RCC2: variants seen among roughly 807,000 people sequenced by gnomAD.
The protein encoded by RCC2 is protein RCC2.
RCC2 carries 19 observed loss-of-function variants against 64.1 expected under a neutral mutation model. The observed-to-expected ratio is 0.30, with a 90% CI of 0.21 to 0.44. RCC2 has a LOEUF of 0.44. Ranked by LOEUF, RCC2 falls within the 20% of genes least tolerant of loss-of-function variation. The probability of loss-of-function intolerance (pLI) is 1.00; values close to 1 mark genes in which losing one functional copy is unlikely to be tolerated. For missense variants in RCC2, 508 were observed against 710.4 expected, an observed-to-expected ratio of 0.72 and a Z score of 3.24; for synonymous variants, 325 against 279.6, an observed-to-expected ratio of 1.16 and a Z score of -1.62.
intron 6 of RCC2, 83 bp downstream of exon 6, chr1:17,422,119 CA>C: frequency 1.0e-6 from 1 of 973,842 alleles, no homozygotes; most frequent in South Asian, 1.6e-5. Flanking sequence ...TAAATTAACT[CA>C]AACGGAGACC....
chr1:17,417,189 G>A (rs1015936170), intron 7 of RCC2, among the ~76,000 whole-genome samples: 5 of 152,332 alleles, frequency 3.3e-5, no homozygotes, highest in Admixed American at 3.3e-4. Context: ...GCTAAAGCCT[G>A]CAATTCCCAC....
Position 17,422,963 on chromosome 1 carries a change from C to CGAA in RCC2, c.524-128_524-127insTTC, listed in dbSNP as rs1553157496. Reference sequence around the variant, plus strand: ...TCTCTGGAAGGTACCCTCCAAATTCCCAACAGCCAAGATCCAGAGCAAAGA... The same window carrying CGAA: ...TCTCTGGAAGGTACCCTCCAAATTCCGAACAACAGCCAAGATCCAGAGCAAAGA... On this transcript the variant is annotated intron_variant, in intron 4 of 12. Coordinates refer to ENST00000375436, the MANE Select transcript of RCC2 (RefSeq NM_018715.4). 11 of 1,138,704 alleles carry CGAA rather than the reference C, an allele frequency of 9.7e-6. 1 individual carries two copies. The African/African-American group carries it at 1.3e-4, about 13-fold the overall frequency. The allele number at this position is 1,138,704 out of a possible 1,614,324, so 70.5% of individuals were successfully genotyped here. A position where few individuals can be genotyped will look rare whatever the true frequency, so the allele number is the denominator to read the frequency against.
chr1:17,423,494 G>T (rs529814151), intron 4 of RCC2, among the ~76,000 whole-genome samples: 2 of 152,320 alleles, frequency 1.3e-5, no homozygotes, highest in African/African-American at 4.8e-5. Context: ...TGCGACCAAG[G>T]CCCTGTATCT....
intron 2 of RCC2, 22 bp from the exon 3 acceptor site, chr1:17,429,221 A>C (rs777185634): frequency 1.3e-6 from 2 of 1,598,104 alleles, no homozygotes; most frequent in South Asian, 2.2e-5. Context: ...GAGAAAGGAA[A>C]AAAGAATTAG....
rs1240148029 is a variant in RCC2 at position 17,438,398 on chromosome 1, G to C, written c.117C>G (p.Pro39=). ...CGCCGCTGCTGCTACTGCAGCGCTC[G>C]GGCCGCTCGCGCTTCCTGCCCGCCG... ...GGPAGRKRER[P]ERCSSSSGGG... is the part of the protein sequence containing the mutation. The change falls in exon 2 of 13, where the codon CCC becomes CCG. Residue 39 remains proline (P), a synonymous_variant. Coordinates refer to ENST00000375436, the MANE Select transcript of RCC2 (RefSeq NM_018715.4). The C allele has an allele frequency of 3.2e-6, 4 of 1,262,302 alleles. No homozygotes were observed. Among genetic ancestry groups the C allele is most frequent in the African/African-American group, 3.1e-5 (2 of 64,116 alleles). The allele number at this position is 1,262,302 out of a possible 1,614,324, so 78.2% of individuals were successfully genotyped here. A position where few individuals can be genotyped will look rare whatever the true frequency, so the allele number is the denominator to read the frequency against.
intron 2 of RCC2, among the ~76,000 whole-genome samples, chr1:17,434,843 T>C (rs561339756): frequency 1.3e-5 from 2 of 152,328 alleles, no homozygotes; most frequent in East Asian, 3.9e-4. Context: ...CGGGGCGTGG[T>C]GGCTCACGCC....
intron 12 of RCC2, among the ~76,000 whole-genome samples, chr1:17,409,598 C>T (rs866010325): frequency 6.6e-6 from 1 of 152,366 alleles, no homozygotes; most frequent in Non-Finnish European, 1.5e-5. Flanking sequence ...GGGCCTCACC[C>T]CGCCATCTGA....
At chr1:17,417,469 A>T (rs2075500417) in intron 7 of RCC2, among the ~76,000 whole-genome samples, 1 of 152,218 alleles carries the variant, frequency 6.6e-6, no homozygotes, top group South Asian at 2.1e-4. Context: ...GGTGTTTGAG[A>T]CCAGCCTGGC....
chr1:17,431,359 A>ATAAAAATGTATATATATATATATAT (rs1265674393), intron 2 of RCC2, among the ~76,000 whole-genome samples: 1 of 44,938 alleles, frequency 2.2e-5, no homozygotes, highest in East Asian at 6.0e-4. Context: ...AAAAAAAAAA[A>ATAAAAATGTATATATATATATATAT]ATATATATAT....
chr1:17,408,789 T>TAA lies in RCC2; in HGVS notation c.*299_*300dup, dbSNP rs56926341. 5.2e-3 allele frequency: 1,340 copies of TAA among 255,638 alleles called. 2 individuals carry two copies. Among genetic ancestry groups the TAA allele is most frequent in the African/African-American group, 0.017 (700 of 41,940 alleles). The allele number at this position is 255,638 out of a possible 1,614,324, so 15.8% of individuals were successfully genotyped here. ...TCAGGAGAGGAAGAAAGAAAAAACT[T>TAA]AAAAAAAAAAAAAACCTAGATTGCT... On this transcript the variant is annotated 3_prime_UTR_variant, in exon 13 of 13. Transcript: ENST00000375436.
chr1:17,424,417 C>A (rs746606587), intron 4 of RCC2, among the ~76,000 whole-genome samples: 4 of 152,312 alleles, frequency 2.6e-5, no homozygotes, highest in Non-Finnish European at 4.4e-5. Context: ...ACATAAAAGG[C>A]TGTGTTCAGT....
chr1:17,429,810 C>T (rs1447776047), intron 2 of RCC2, among the ~76,000 whole-genome samples: 1 of 152,176 alleles, frequency 6.6e-6, no homozygotes, highest in Non-Finnish European at 1.5e-5. Flanking sequence ...TGCCGCTGTC[C>T]ATGAGCCCGG....
In RCC2 at chr1:17,428,692, C is replaced by T. The variant is rs1048801596; in HGVS notation, c.379+414G>A. Reference sequence around the variant, plus strand: ...ACCAGTTCCTGCAACAATTTGGCAGCTTGCAAAGAAACGTGGACTCTTCTG... The same window carrying T: ...ACCAGTTCCTGCAACAATTTGGCAGTTTGCAAAGAAACGTGGACTCTTCTG... On this transcript the variant is annotated intron_variant, in intron 3 of 12. Coordinates refer to ENST00000375436, the MANE Select transcript of RCC2 (RefSeq NM_018715.4). Among the ~76,000 whole-genome samples, 6 of 152,246 alleles carry T rather than the reference C, an allele frequency of 3.9e-5. No individual in the cohort carries two copies. The East Asian group carries it at 7.7e-4, about 20-fold the overall frequency.
intron 3 of RCC2, among the ~76,000 whole-genome samples, chr1:17,426,160 G>A (rs1380499741): frequency 2.6e-5 from 4 of 152,034 alleles, no homozygotes; most frequent in African/African-American, 7.2e-5. Context: ...ACTCCCTGCC[G>A]CCTGCCCCTC....
intron 10 of RCC2, among the ~76,000 whole-genome samples, chr1:17,412,786 G>A (rs911870722): frequency 6.6e-6 from 1 of 152,230 alleles, no homozygotes; most frequent in Non-Finnish European, 1.5e-5. Context: ...TTTTCAACCT[G>A]CAGCGTAGGA....
chr1:17,422,804 C>T lies in RCC2; in HGVS notation c.556G>A (p.Asp186Asn). Reference sequence around the variant, plus strand: ...CTAGGGGCTTCTACTCTCTTGGTGTCACCATGTCCCAGCTGCCCCTTCTCA... The same window carrying T: ...CTAGGGGCTTCTACTCTCTTGGTGTTACCATGTCCCAGCTGCCCCTTCTCA... ...RNEKGQLGHG[D>N]TKRVEAPRLI... Residue 186 changes from aspartate (D) to asparagine (N), a missense_variant, in exon 5 of 13, where the codon GAC (aspartate) becomes AAC (asparagine). Physicochemically the swap from Asp to Asn is conservative, Grantham distance 23. Transcript: ENST00000375436. The T allele has an allele frequency of 6.2e-7, 1 of 1,614,078 alleles. No individual in the cohort carries two copies. Among genetic ancestry groups the T allele is most frequent in the Non-Finnish European group, 8.5e-7 (1 of 1,180,016 alleles).
At position 17,438,419 on chromosome 1, in the gene RCC2, C is replaced by T. The variant is rs527576288; in HGVS notation, c.96G>A (p.Ala32=). ...RAGPRKRGGP[A]GRKRERPERC... ...GCTCGGGCCGCTCGCGCTTCCTGCC[C>T]GCCGGGCCGCCGCGTTTCCTGGGCC... Residue 32 remains alanine, a synonymous_variant, in exon 2 of 13, where the codon GCG becomes GCA. Transcript: ENST00000375436. 7.6e-3 allele frequency: 9,724 copies of T among 1,273,264 alleles called. 50 individuals carry two copies. Among genetic ancestry groups the T allele is most frequent in the Non-Finnish European group, 8.6e-3 (8,671 of 1,013,756 alleles). The allele number at this position is 1,273,264 out of a possible 1,614,324, so 78.9% of individuals were successfully genotyped here. A position where few individuals can be genotyped will look rare whatever the true frequency, so the allele number is the denominator to read the frequency against.
At chr1:17,437,357 T>C (rs906820155) in intron 2 of RCC2, among the ~76,000 whole-genome samples, 5 of 152,222 alleles carry the variant, frequency 3.3e-5, no homozygotes, top group Non-Finnish European at 7.3e-5. Flanking sequence ...GACCCTCTTC[T>C]GAAAAACATA....
intron 8 of RCC2, among the ~76,000 whole-genome samples, chr1:17,415,009 G>GT (rs1416657610): frequency 1.2e-4 from 19 of 152,194 alleles, no homozygotes; most frequent in African/African-American, 3.4e-4. Flanking sequence ...CACTTCAAGT[G>GT]TTTAAGATTT....
Sources: gnomAD v4.1 joint callset for allele counts (sites outside exome capture counted in the v4.1 genomes callset) on GRCh38, gnomAD v4.1.1 for gene constraint, MANE v1.5 for transcripts, NCBI Gene and HGNC (gene_info 2026-07-23, HGNC 2026-07-21) for gene names.